Variants in DUSP4 observed in about 807,000 individuals in gnomAD.
DUSP4 encodes dual specificity protein phosphatase 4.
Under a neutral mutation model 27.2 loss-of-function variants are expected in DUSP4, and 12 were observed. The observed-to-expected ratio is 0.44, with a 90% confidence interval of 0.28 to 0.71. DUSP4 has a LOEUF of 0.71. DUSP4 is among the 30% of genes least tolerant of loss of function. DUSP4 has a pLI of 0.14. For missense variants in DUSP4, 448 were observed against 551.3 expected (o/e 0.81, Z 1.88); for synonymous variants, 257 against 245.2 (o/e 1.05, Z -0.45).
intron 1 of DUSP4, among the ~76,000 whole-genome samples, chr8:29,342,511 G>A (rs1817669353): frequency 6.6e-6 from 1 of 152,146 alleles, no homozygotes; most frequent in African/African-American, 2.4e-5. Flanking sequence ...AGAGGAACCG[G>A]GGACAGGGTA....
intron 1 of DUSP4, among the ~76,000 whole-genome samples, chr8:29,347,416 T>C (rs1817751650): frequency 6.6e-6 from 1 of 152,138 alleles, no homozygotes; most frequent in South Asian, 2.1e-4. Context: ...AACACATATG[T>C]CAAAATCAGC....
intron 1 of DUSP4, among the ~76,000 whole-genome samples, chr8:29,349,007 T>C (rs906828583): frequency 2.0e-5 from 3 of 152,192 alleles, no homozygotes; most frequent in Non-Finnish European, 4.4e-5. Context: ...GCACGCGATT[T>C]TTCCAGGATT....
intron 1 of DUSP4, among the ~76,000 whole-genome samples, chr8:29,341,934 T>C (rs941342153): frequency 1.3e-5 from 2 of 152,260 alleles, no homozygotes; most frequent in Admixed American, 6.5e-5. Flanking sequence ...TATACTTCTC[T>C]AGGATTTGAA....
At chr8:29,342,092 T>C (rs939877044) in intron 1 of DUSP4, among the ~76,000 whole-genome samples, 5 of 149,856 alleles carry the variant, frequency 3.3e-5, no homozygotes, top group Non-Finnish European at 7.4e-5. Flanking sequence ...AAGTGAATGG[T>C]TGGGTGGCCC....
intron 1 of DUSP4, among the ~76,000 whole-genome samples, chr8:29,340,700 G>A (rs1817645333): frequency 6.6e-6 from 1 of 152,114 alleles, no homozygotes; most frequent in South Asian, 2.1e-4. Context: ...AAATGACCCT[G>A]GTACAAACTC....
intron 1 of DUSP4, chr8:29,347,882 G>A (rs545436515): frequency 7.7e-5 from 76 of 985,668 alleles, no homozygotes; most frequent in African/African-American, 7.5e-4. Context: ...AGGTTGGGGA[G>A]GGAGGACTCT....
At position 29,338,484 on chromosome 8, in the gene DUSP4, G is replaced by A; in HGVS notation, c.597C>T (p.Ile199=). ...CACTGCCGAGGTAGAGGAAGGGAAGGATCTCCACAGGACCCCCCTGCACAG... is the reference window on the plus strand; with the variant it reads ...CACTGCCGAGGTAGAGGAAGGGAAGAATCTCCACAGGACCCCCCTGCACAG... The part of the protein sequence containing the change: ...PLHDQGGPVE[I]LPFLYLGSAY... The change falls in exon 3 of 4, where the codon ATC becomes ATT. Residue 199 remains isoleucine (I), a synonymous_variant. Transcript: ENST00000240100. 1.9e-6 allele frequency: 3 copies of A among 1,613,422 alleles called. No individual in the cohort carries two copies. Among genetic ancestry groups the A allele is most frequent in the Non-Finnish European group, 2.5e-6 (3 of 1,179,980 alleles).
At chr8:29,340,601 A>G (rs537248776) in intron 1 of DUSP4, among the ~76,000 whole-genome samples, 21 of 152,134 alleles carry the variant, frequency 1.4e-4, no homozygotes, top group Admixed American at 6.5e-4. Context: ...CTGGGCTTCC[A>G]AGGACACTAA....
In DUSP4 at chr8:29,350,050, C is replaced by T; in HGVS notation, c.229G>A (p.Ala77Thr). Residue 77 changes from alanine to threonine, a missense_variant, in exon 1 of 4, where the codon GCT becomes ACT. Physicochemically the swap from Ala to Thr is moderately conservative, Grantham distance 58 (BLOSUM62 0). Around this residue, in one of 3 missense-constraint regions of DUSP4, gnomAD observed 345 missense variants for 394.0 expected, o/e 0.88. Coordinates refer to ENST00000240100, the MANE Select transcript of DUSP4 (RefSeq NM_001394.7). ...VRCNTIVRRR[A>T]KGSVSLEQIL... ...TGCTCCAGGCTCACGGAGCCCTTAG[C>T]CCGCCGCCGCACGATGGTGTTACAG... The T allele has an allele frequency of 1.3e-6, 2 of 1,597,010 alleles. No individual in the cohort carries two copies. The highest frequency in any genetic ancestry group is 1.1e-5 in the South Asian group (1 of 89,574).
intron 1 of DUSP4, among the ~76,000 whole-genome samples, chr8:29,349,253 G>GC (rs1219236639): frequency 6.6e-6 from 1 of 152,248 alleles, no homozygotes; most frequent in Non-Finnish European, 1.5e-5. Flanking sequence ...ACGGGGATTG[G>GC]CCACCTTCCA....
Position 29,350,517 on chromosome 8 carries a change from G to T in DUSP4, c.-239C>A. ...CGCCCAGCCGGGCGGCGCGCAGAGC[G>T]GAGGGGGAGGCGCCGGTGGAGGAGA... On this transcript the variant is annotated 5_prime_UTR_variant, in exon 1 of 4. Coordinates refer to ENST00000240100, the MANE Select transcript of DUSP4 (RefSeq NM_001394.7). 1.9e-6 allele frequency: 1 copy of T among 535,156 alleles called. No homozygotes were observed. The highest frequency in any genetic ancestry group is 3.2e-6 in the Non-Finnish European group (1 of 308,804). 33.2% of individuals were successfully genotyped at this position (535,156 alleles called of 1,614,324 possible).
rs919820963 is a variant in DUSP4 at position 29,336,935 on chromosome 8, C to T, written c.*91G>A. On this transcript the variant is annotated 3_prime_UTR_variant, in exon 4 of 4. Coordinates refer to ENST00000240100, the MANE Select transcript of DUSP4 (RefSeq NM_001394.7). ...TGGGGAAGGAGCTCGGTCGCCTGCT[C>T]CCAGCTGCTCAGTCCCAACTTTCTG... 41 of 1,438,694 alleles carry T rather than the reference C, an allele frequency of 2.8e-5. No homozygotes were observed. The highest frequency in any genetic ancestry group is 8.6e-5 in the Admixed American group (3 of 34,698). 89.1% of individuals were successfully genotyped at this position (1,438,694 alleles called of 1,614,324 possible). A position where few individuals can be genotyped will look rare whatever the true frequency, so the allele number is the denominator to read the frequency against.
intron 1 of DUSP4, among the ~76,000 whole-genome samples, chr8:29,342,261 T>C (rs1300768589): frequency 6.6e-6 from 1 of 152,184 alleles, no homozygotes; most frequent in African/African-American, 2.4e-5. Context: ...GGCTCTGCCA[T>C]GAGGTTGCAC....
chr8:29,347,883 G>C, intron 1 of DUSP4: 5 of 985,676 alleles, frequency 5.1e-6, no homozygotes, highest in Non-Finnish European at 6.0e-6. Context: ...GGTTGGGGAG[G>C]GAGGACTCTC....
At chr8:29,343,161 C>T (rs1415902107) in intron 1 of DUSP4, among the ~76,000 whole-genome samples, 1 of 114,112 alleles carries the variant, frequency 8.8e-6, no homozygotes, top group African/African-American at 4.1e-5. Context: ...GAGCGAGACT[C>T]CATCTCAAAA....
In DUSP4 at chr8:29,334,666, C is replaced by T. The variant is rs190520436; in HGVS notation, c.*2360G>A. On this transcript the variant is annotated 3_prime_UTR_variant, in exon 4 of 4. Coordinates refer to ENST00000240100, the MANE Select transcript of DUSP4 (RefSeq NM_001394.7). Reference sequence around the variant, plus strand: ...CCGTCCCTCCCCGCCCAAGCATCCCCTCTGTCCTGTCTCTCTGCTGCTGGG... The same window carrying T: ...CCGTCCCTCCCCGCCCAAGCATCCCTTCTGTCCTGTCTCTCTGCTGCTGGG... 3.9e-5 allele frequency: 6 copies of T among 152,400 alleles called. No individual in the cohort carries two copies. Among genetic ancestry groups the T allele is most frequent in the Admixed American group, 2.6e-4 (4 of 15,296 alleles). 9.4% of individuals were successfully genotyped at this position (152,400 alleles called of 1,614,324 possible).
chr8:29,341,763 T>C (rs1237294385), intron 1 of DUSP4, among the ~76,000 whole-genome samples: 1 of 152,102 alleles, frequency 6.6e-6, no homozygotes, highest in Non-Finnish European at 1.5e-5. Flanking sequence ...AATTAGAGGA[T>C]GAGGGAAGAG....
At chr8:29,338,224 T>C (rs1817605883) in intron 3 of DUSP4, 58 bp downstream of exon 3, 21 of 1,567,588 alleles carry the variant, frequency 1.3e-5, no homozygotes, top group Non-Finnish European at 1.6e-5. Flanking sequence ...CTTACAGGGG[T>C]TCCTTATCCT....
At chr8:29,343,506 G>GTGTC (rs1002060361) in intron 1 of DUSP4, among the ~76,000 whole-genome samples, 84 of 152,306 alleles carry the variant, frequency 5.5e-4, no homozygotes, top group African/African-American at 1.9e-3. Context: ...TCATCTCTGG[G>GTGTC]TGTCAGTCTA....
Sources: allele counts gnomAD v4.1 joint callset (sites outside exome capture counted in the v4.1 genomes callset), GRCh38; gene constraint gnomAD v4.1.1; regional missense constraint gnomAD v4.1.1; transcripts MANE v1.5; gene names NCBI Gene and HGNC (gene_info 2026-07-23, HGNC 2026-07-21).